Variants in ETV6 observed in about 807,000 individuals in gnomAD.
ETV6 encodes transcription factor ETV6.
In ETV6, 16 loss-of-function variants were observed where a neutral mutation model predicts 51.1. That is an observed-to-expected ratio of 0.31 (90% CI 0.21 to 0.48). ETV6 has a LOEUF of 0.48. Among genes scored for constraint, ETV6 ranks in the 20% least tolerant of loss-of-function variants. ETV6 has a pLI of 0.99. For synonymous variants in ETV6, 240 were observed against 224.1 expected (o/e 1.07, Z -0.64); for missense variants, 458 against 594.8 (o/e 0.77, Z 2.39).
At position 11,891,409 on chromosome 12, in the gene ETV6, C is replaced by A; in HGVS notation, c.*363C>A. The A allele has an allele frequency of 2.9e-6, 1 of 342,350 alleles. No individual in the cohort carries two copies. The allele number at this position is 342,350 out of a possible 1,614,324, so 21.2% of individuals were successfully genotyped here. On this transcript the variant is annotated 3_prime_UTR_variant, in exon 8 of 8. Coordinates refer to ENST00000396373, the MANE Select transcript of ETV6 (RefSeq NM_001987.5). ...ACCTGCAGTTTGACTCTTCATCGTTCATCTAGGGGAAGACATCTGATGTTG... is the reference window on the plus strand; with the variant it reads ...ACCTGCAGTTTGACTCTTCATCGTTAATCTAGGGGAAGACATCTGATGTTG...
intron 1 of ETV6, among the ~76,000 whole-genome samples, chr12:11,666,094 G>A (rs1283435948): frequency 6.6e-6 from 1 of 152,122 alleles, no homozygotes; most frequent in African/African-American, 2.4e-5. Context: ...TGGTATCTGG[G>A]ACCCAGTGGC....
chr12:11,797,386 G>A (rs1393436459), intron 2 of ETV6, among the ~76,000 whole-genome samples: 4 of 152,214 alleles, frequency 2.6e-5, no homozygotes, highest in Non-Finnish European at 5.9e-5. Context: ...ATGTGGTAAG[G>A]TGGCAGGCTG....
rs1467326071 is a variant in ETV6, at chr12:11,894,648, C to T, written c.*3602C>T. 1.3e-5 allele frequency: 3 copies of T among 233,080 alleles called. No individual in the cohort carries two copies. The highest frequency in any genetic ancestry group is 6.0e-5 in the East Asian group (1 of 16,592). The allele number at this position is 233,080 out of a possible 1,614,324, so 14.4% of individuals were successfully genotyped here. A position where few individuals can be genotyped will look rare whatever the true frequency, so the allele number is the denominator to read the frequency against. On this transcript the variant is annotated 3_prime_UTR_variant, in exon 8 of 8. Coordinates refer to ENST00000396373, the MANE Select transcript of ETV6 (RefSeq NM_001987.5). ...AATTCAAATGGCTGTGACAATTTACCGAAATGATGAAGTAACCACCATTCC... is the reference window on the plus strand; with the variant it reads ...AATTCAAATGGCTGTGACAATTTACTGAAATGATGAAGTAACCACCATTCC...
chr12:11,840,597 C>G, intron 3 of ETV6: 1 of 443,804 alleles, frequency 2.3e-6, no homozygotes, highest in East Asian at 7.0e-5. Flanking sequence ...GAGGAAACGT[C>G]CCTCATTACA....
intron 1 of ETV6, among the ~76,000 whole-genome samples, chr12:11,692,568 A>G (rs1269521042): frequency 6.6e-6 from 1 of 152,140 alleles, no homozygotes. Context: ...CTTTGCAGGT[A>G]AAGCCATGTT....
At chr12:11,690,201 T>A (rs1324582562) in intron 1 of ETV6, among the ~76,000 whole-genome samples, 1 of 151,322 alleles carries the variant, frequency 6.6e-6, no homozygotes, top group Non-Finnish European at 1.5e-5. Context: ...TTCTGCTTGA[T>A]AATTTAGATA....
chr12:11,795,491 C>T (rs1232793021), intron 2 of ETV6, among the ~76,000 whole-genome samples: 5 of 152,264 alleles, frequency 3.3e-5, no homozygotes, highest in African/African-American at 4.8e-5. Context: ...TGAACAATTT[C>T]AGTCATCATT....
chr12:11,686,807 C>T (rs994099532), intron 1 of ETV6, among the ~76,000 whole-genome samples: 2 of 152,130 alleles, frequency 1.3e-5, no homozygotes, highest in Non-Finnish European at 2.9e-5. Context: ...CGTGAGCCAC[C>T]GCACCTGGCC....
intron 5 of ETV6, among the ~76,000 whole-genome samples, chr12:11,875,415 C>G (rs1946967937): frequency 6.6e-6 from 1 of 152,144 alleles, no homozygotes; most frequent in Non-Finnish European, 1.5e-5. Flanking sequence ...TAAGAATGGG[C>G]TATTTAGGAG....
chr12:11,684,936 C>T (rs1380798663), intron 1 of ETV6, among the ~76,000 whole-genome samples: 1 of 152,048 alleles, frequency 6.6e-6, no homozygotes, highest in Admixed American at 6.6e-5. Flanking sequence ...AATCAGTGCT[C>T]GGAAAGAAAC....
At chr12:11,745,837 A>G (rs1361600701) in intron 1 of ETV6, among the ~76,000 whole-genome samples, 1 of 152,212 alleles carries the variant, frequency 6.6e-6, no homozygotes, top group Non-Finnish European at 1.5e-5. Context: ...TTGTACTCAA[A>G]AATGCCCAGT....
intron 4 of ETV6, among the ~76,000 whole-genome samples, chr12:11,868,353 A>G (rs1220679699): frequency 1.3e-5 from 2 of 151,396 alleles, no homozygotes; most frequent in African/African-American, 2.4e-5. Context: ...CAGTTTTATC[A>G]TCTGTAAAAT....
chr12:11,713,521 TTTG>T (rs1865213273), intron 1 of ETV6, among the ~76,000 whole-genome samples: 1 of 152,220 alleles, frequency 6.6e-6, no homozygotes, highest in African/African-American at 2.4e-5. Flanking sequence ...CCTCAGGGCC[TTTG>T]CGTGTGCTGT....
At chr12:11,776,750 T>C (rs1455861827) in intron 2 of ETV6, among the ~76,000 whole-genome samples, 1 of 152,212 alleles carries the variant, frequency 6.6e-6, no homozygotes, top group East Asian at 1.9e-4. Flanking sequence ...TTCAGCAATA[T>C]GGGTAAAGGA....
chr12:11,821,526 T>G (rs567012697), intron 2 of ETV6, among the ~76,000 whole-genome samples: 5 of 151,882 alleles, frequency 3.3e-5, no homozygotes, highest in African/African-American at 1.2e-4. Flanking sequence ...AAGCCTAACG[T>G]GCCTATTAAG....
chr12:11,812,639 C>T (rs372687434), intron 2 of ETV6, among the ~76,000 whole-genome samples: 19 of 152,250 alleles, frequency 1.2e-4, no homozygotes, highest in African/African-American at 4.1e-4. Flanking sequence ...CTTCTTCCCC[C>T]GCCACCGCCC....
chr12:11,776,464 C>A (rs1357470506), intron 2 of ETV6, among the ~76,000 whole-genome samples: 1 of 151,352 alleles, frequency 6.6e-6, no homozygotes, highest in Non-Finnish European at 1.5e-5. Flanking sequence ...AGGCTGGTCT[C>A]CAAGTCCTGG....
rs1865013162 is a variant in ETV6, at chr12:11,703,094, G to A, written c.34-49356G>A. 2.6e-5 allele frequency among the ~76,000 whole-genome samples: 4 copies of A among 152,184 alleles called. No individual in the cohort carries two copies. In the South Asian group the frequency reaches 8.3e-4, roughly 32 times the overall value. The stretch of plus-strand genomic sequence containing the variant: ...TGCACCCCAGCCTGGGTGACAGAGT[G>A]AGACCTCCTCTGGAAGAAAACAAAC... On this transcript the variant is annotated intron_variant, in intron 1 of 7. Transcript: ENST00000396373.
intron 1 of ETV6, among the ~76,000 whole-genome samples, chr12:11,748,474 T>C (rs1865947847): frequency 1.3e-5 from 2 of 152,252 alleles, no homozygotes; most frequent in African/African-American, 4.8e-5. Context: ...TAATATTTAG[T>C]TAGCAGTAGG....
Sources: gnomAD v4.1 joint callset for allele counts (sites outside exome capture counted in the v4.1 genomes callset) on GRCh38, gnomAD v4.1.1 for gene constraint, MANE v1.5 for transcripts, NCBI Gene and HGNC (gene_info 2026-07-23, HGNC 2026-07-21) for gene names.